Variants in SHROOM4 observed in about 807,000 individuals in gnomAD.
The protein encoded by SHROOM4 is shroom family member 4.
Under a neutral mutation model 80.3 loss-of-function variants are expected in SHROOM4, and 17 were observed. The observed-to-expected ratio is 0.21, with a 90% CI of 0.14 to 0.32. SHROOM4 has a LOEUF of 0.32. Among genes scored for constraint, SHROOM4 ranks in the 10% least tolerant of loss-of-function variants. SHROOM4 has a pLI of 1.00. For synonymous variants in SHROOM4, 400 were observed against 437.5 expected, an observed-to-expected ratio of 0.91 and a Z score of 1.07; for missense variants, 993 against 1,140.3, an observed-to-expected ratio of 0.87 and a Z score of 1.86.
chrX:50,754,406 TA>T (rs1166138757), intron 1 of SHROOM4, among the ~76,000 whole-genome samples: 1 of 112,226 alleles, frequency 8.9e-6, no homozygotes, highest in Admixed American at 9.4e-5. Flanking sequence ...CCTGCCCTTA[TA>T]GACTTTTCTT....
chrX:50,583,014 G>A (rs969453241), downstream of SHROOM4, among the ~76,000 whole-genome samples: 4 of 107,516 alleles, frequency 3.7e-5, no homozygotes, highest in African/African-American at 1.0e-4. Flanking sequence ...ATTTTTCAAC[G>A]GATTGACAGA....
the SHROOM4 span, among the ~76,000 whole-genome samples, chrX:50,576,601 T>TTG: frequency 1.1e-3 from 121 of 109,801 alleles, 2 homozygotes; most frequent in East Asian, 0.018. Flanking sequence ...GTCTTCCATT[T>TTG]TGTGTGTGTG....
At chrX:50,734,148 C>T (rs1449825600) in intron 1 of SHROOM4, among the ~76,000 whole-genome samples, 1 of 111,984 alleles carries the variant, frequency 8.9e-6, no homozygotes, top group Non-Finnish European at 1.9e-5. Context: ...AACTACACTA[C>T]ATTCATAAAT....
intron 1 of SHROOM4, among the ~76,000 whole-genome samples, chrX:50,704,733 AG>A (rs1933612522): frequency 9.0e-6 from 1 of 111,387 alleles, no homozygotes. Flanking sequence ...CCACTTGTCC[AG>A]CTTACTAGGA....
intron 1 of SHROOM4, among the ~76,000 whole-genome samples, chrX:50,727,126 C>A (rs1268110909): frequency 8.9e-6 from 1 of 112,940 alleles, no homozygotes; most frequent in Non-Finnish European, 1.9e-5. Context: ...TTAATGAATA[C>A]CCTTCTGGGT....
At chrX:50,652,846 T>C (rs1932157232) in intron 2 of SHROOM4, among the ~76,000 whole-genome samples, 1 of 112,164 alleles carries the variant, frequency 8.9e-6, no homozygotes, top group Non-Finnish European at 1.9e-5. Flanking sequence ...TTGCTTGTTT[T>C]TGTCAGGTTT....
chrX:50,607,230 T>C lies in SHROOM4; in HGVS notation c.3761+151A>G, dbSNP rs1929706198. On this transcript the variant is annotated intron_variant, in intron 6 of 8. Coordinates refer to ENST00000376020, the MANE Select transcript of SHROOM4 (RefSeq NM_020717.5). ...TCATAACAATCATGTGAAGCAAGTATCATTATACCCATTTTCCAGGTAAGA... is the reference window on the plus strand; with the variant it reads ...TCATAACAATCATGTGAAGCAAGTACCATTATACCCATTTTCCAGGTAAGA... The C allele has an allele frequency of 2.1e-5, 11 of 524,097 alleles. No individual in the cohort carries two copies. In the South Asian group the frequency reaches 3.1e-4, roughly 15 times the overall value. The allele number at this position is 524,097 out of a possible 1,213,427, so 43.2% of individuals were successfully genotyped here.
chrX:50,635,306 G>C lies in SHROOM4; in HGVS notation c.767C>G (p.Ser256Cys). The C allele has an allele frequency of 8.3e-7, 1 of 1,201,062 alleles. No homozygotes were observed. The highest frequency in any genetic ancestry group is 1.1e-6 in the Non-Finnish European group (1 of 889,915). Residue 256 changes from serine to cysteine, a missense_variant, in exon 4 of 9, where the codon TCC (serine) becomes TGC (cysteine). Transcript: ENST00000376020. ...GHLTPSSQMS[S>C]RPQEGYQSGP... ...TGACTGGTATCCCTCCTGTGGACGGGATGACATCTGAGAGCTGGGGGTCAG... is the reference window on the plus strand; with the variant it reads ...TGACTGGTATCCCTCCTGTGGACGGCATGACATCTGAGAGCTGGGGGTCAG...
intron 1 of SHROOM4, among the ~76,000 whole-genome samples, chrX:50,749,811 C>T (rs1466744988): frequency 8.9e-6 from 1 of 111,767 alleles, no homozygotes; most frequent in Non-Finnish European, 1.9e-5. Context: ...TGGAGAGATT[C>T]TCTCTAAAAT....
At chrX:50,792,301 C>T (rs1365181021) in intron 1 of SHROOM4, among the ~76,000 whole-genome samples, 1 of 111,362 alleles carries the variant, frequency 9.0e-6, no homozygotes, top group East Asian at 2.8e-4. Context: ...GAGTTCGAGA[C>T]CAGTCTGGCC....
intron 2 of SHROOM4, among the ~76,000 whole-genome samples, chrX:50,679,223 A>T (rs1473799619): frequency 9.0e-6 from 1 of 110,993 alleles, no homozygotes; most frequent in Non-Finnish European, 1.9e-5. Flanking sequence ...TAGTTGATTT[A>T]AAAAGATAAG....
chrX:50,695,817 A>G lies in SHROOM4; in HGVS notation c.238T>C (p.Ser80Pro). 5.8e-6 allele frequency: 7 copies of G among 1,211,725 alleles called. No homozygotes were observed. The highest frequency in any genetic ancestry group is 7.8e-6 in the Non-Finnish European group (7 of 895,420). ...ACAATCAGCTTGAGAATCCGGAAGG[A>G]GCCTTTGATGAGAATGAGGGCCTCT... ...RQEALILIKG[S>P]FRILKLIVRR... Residue 80 changes from serine (S) to proline (P), a missense_variant, in exon 2 of 9, where the codon TCC becomes CCC. Physicochemically the swap from Ser to Pro is moderately conservative, Grantham distance 74 (BLOSUM62 -1). Transcript: ENST00000376020.
chrX:50,776,266 T>G (rs782282783), intron 1 of SHROOM4, among the ~76,000 whole-genome samples: 3 of 111,977 alleles, frequency 2.7e-5, no homozygotes, highest in Non-Finnish European at 3.8e-5. Flanking sequence ...ATCCTACCTA[T>G]TGTGTTATTT....
intron 1 of SHROOM4, among the ~76,000 whole-genome samples, chrX:50,707,821 G>T (rs1422038811): frequency 9.0e-6 from 1 of 111,364 alleles, no homozygotes; most frequent in African/African-American, 3.3e-5. Flanking sequence ...AAAGAGAAGA[G>T]CTTTTAAGGT....
chrX:50,710,599 G>C (rs1557264320), intron 1 of SHROOM4, among the ~76,000 whole-genome samples: 1 of 111,216 alleles, frequency 9.0e-6, no homozygotes, highest in East Asian at 2.8e-4. Flanking sequence ...ATTGTACCCT[G>C]AACGTCAGCA....
intron 1 of SHROOM4, among the ~76,000 whole-genome samples, chrX:50,743,696 A>T (rs1934715802): frequency 9.0e-6 from 1 of 111,110 alleles, no homozygotes; most frequent in Non-Finnish European, 1.9e-5. Flanking sequence ...GGCTCAAGCG[A>T]TCTTCTTGCC....
chrX:50,617,520 T>C (rs782253694), intron 5 of SHROOM4, among the ~76,000 whole-genome samples: 3 of 111,433 alleles, frequency 2.7e-5, no homozygotes, highest in African/African-American at 9.8e-5. Flanking sequence ...AAGGGAGATA[T>C]AATAAAAGGC....
In SHROOM4 at chrX:50,711,819, A is replaced by T. The variant is rs1414438056; in HGVS notation, c.118-15882T>A. Among the ~76,000 whole-genome samples, 3 of 112,306 alleles carry T rather than the reference A, an allele frequency of 2.7e-5. No homozygotes were observed. In the Admixed American group the frequency reaches 2.8e-4, roughly 11 times the overall value. On this transcript the variant is annotated intron_variant, in intron 1 of 8. Coordinates refer to ENST00000376020, the MANE Select transcript of SHROOM4 (RefSeq NM_020717.5). ...ACGTCAGAAACACACAAAAACAAGT[A>T]AAAAATTTGGATTTTTATTGTCCCA... is the stretch of plus-strand genomic sequence containing the variant.
At position 50,808,983 on chromosome X, in the gene SHROOM4, GCTCCACCTCC is replaced by G. The variant is rs1164755106; in HGVS notation, c.117+4909_117+4918del. On this transcript the variant is annotated intron_variant, in intron 1 of 8. Transcript: ENST00000376020. ...ACCAGCCATACCACCCACCCTTCTT[GCTCCACCTCC>G]CTCCAACCTTCTTTGTATCTCTCTG... 2.8e-4 allele frequency among the ~76,000 whole-genome samples: 31 copies of G among 110,840 alleles called. 1 individual carries two copies. The highest frequency in any genetic ancestry group is 2.5e-3 in the Admixed American group (26 of 10,407).
Sources: allele counts gnomAD v4.1 joint callset (sites outside exome capture counted in the v4.1 genomes callset), GRCh38; gene constraint gnomAD v4.1.1; transcripts MANE v1.5; gene names NCBI Gene and HGNC (gene_info 2026-07-23, HGNC 2026-07-21).